JADE2: variants seen among roughly 807,000 people sequenced by gnomAD.
JADE2 encodes jade family PHD finger 2.
In JADE2, 13 loss-of-function variants were observed where a neutral mutation model predicts 85.7. The ratio of observed to expected loss-of-function variants is 0.15; its 90% CI spans 0.10 to 0.24. JADE2 has a LOEUF of 0.24. Among genes scored for constraint, JADE2 ranks in the 10% least tolerant of loss-of-function variants. The pLI is 1.00. For missense variants in JADE2, 846 were observed against 1,115.9 expected, an observed-to-expected ratio of 0.76 and a Z score of 3.45; for synonymous variants, 440 against 456.1, an observed-to-expected ratio of 0.96 and a Z score of 0.45.
At position 134,566,134 on chromosome 5, in the gene JADE2, G is replaced by C. The variant is rs368664750; in HGVS notation, c.988G>C (p.Val330Leu). The C allele has an allele frequency of 1.2e-5, 20 of 1,613,114 alleles. No homozygotes were observed. The highest frequency in any genetic ancestry group is 3.3e-5 in the Admixed American group (2 of 59,964). The change falls in exon 9 of 12, where the codon GTC becomes CTC. Residue 330 changes from valine (V) to leucine (L), a missense_variant. Val to Leu is a conservative substitution (Grantham distance 32, BLOSUM62 1). Coordinates refer to ENST00000681547, the MANE Select transcript of JADE2 (RefSeq NM_001388185.1). This position sits in a 1 kb window ranked among gnomAD's most constrained non-coding sequence, Gnocchi z 6.7. ...TCIQCSMPSC[V>L]TAFHVTCAFD... ...CCCTCAGTGTTCCATGCCTTCCTGC[G>C]TCACAGCGTTCCATGTCACATGCGC...
At chr5:134,532,440 G>A (rs1296140432) in intron 1 of JADE2, among the ~76,000 whole-genome samples, 1 of 152,182 alleles carries the variant, frequency 6.6e-6, no homozygotes. Context: ...CTTTGAAGGA[G>A]AGCTTCCTAC....
chr5:134,566,323 C>T lies in JADE2; in HGVS notation c.1177C>T (p.Arg393Cys). The change falls in exon 9 of 12, where the codon CGC (arginine) becomes TGC (cysteine). Residue 393 changes from arginine to cysteine, a missense_variant. Physicochemically the swap from Arg to Cys is radical, Grantham distance 180. Around this residue, in one of 9 missense-constraint regions of JADE2, gnomAD observed 88 missense variants for 140.6 expected, o/e 0.63. Transcript: ENST00000681547. The surrounding 1 kb of genome is among the most constrained non-coding windows in gnomAD (Gnocchi z 6.7). ...CGAGGACCTGGAAAAGGTGACCCTGCGCAAGCAGCGGCTGCAGCAGCTAGA... is the reference window on the plus strand; with the variant it reads ...CGAGGACCTGGAAAAGGTGACCCTGTGCAAGCAGCGGCTGCAGCAGCTAGA... ...AGEDLEKVTL[R>C]KQRLQQLEED... 6.2e-7 allele frequency: 1 copy of T among 1,614,068 alleles called. No homozygotes were observed. The highest frequency in any genetic ancestry group is 8.5e-7 in the Non-Finnish European group (1 of 1,180,022).
intron 3 of JADE2, among the ~76,000 whole-genome samples, chr5:134,541,532 A>G (rs200558107): frequency 6.6e-6 from 1 of 152,288 alleles, no homozygotes; most frequent in East Asian, 1.9e-4. Context: ...CCCCTGGAGT[A>G]TGAAGCCTAT....
intron 3 of JADE2, among the ~76,000 whole-genome samples, chr5:134,541,168 C>G (rs1314483920): frequency 6.6e-6 from 1 of 152,236 alleles, no homozygotes; most frequent in Admixed American, 6.5e-5. Context: ...AAGTCCTCCC[C>G]GCCCAGAACC....
chr5:134,543,999 C>T (rs1469318259), intron 3 of JADE2, among the ~76,000 whole-genome samples: 2 of 152,218 alleles, frequency 1.3e-5, no homozygotes, highest in African/African-American at 2.4e-5. Context: ...CTGGGAGAGA[C>T]CTGGAGGCCA....
rs1298871940 is a variant in JADE2, at chr5:134,573,886, C to T, written c.1552+124C>T. ...GTGCGTGGAGCCAAGGGCCACTGGC[C>T]CCCACTCCTACCCTTCACCATCCAA... On this transcript the variant is annotated intron_variant, in intron 10 of 11. Coordinates refer to ENST00000681547, the MANE Select transcript of JADE2 (RefSeq NM_001388185.1). 3 of 769,282 alleles carry T rather than the reference C, an allele frequency of 3.9e-6. No individual in the cohort carries two copies. The Admixed American group carries it at 5.4e-5, about 14-fold the overall frequency. 47.7% of individuals were successfully genotyped at this position (769,282 alleles called of 1,614,324 possible). A position where few individuals can be genotyped will look rare whatever the true frequency, so the allele number is the denominator to read the frequency against.
chr5:134,574,176 G>C (rs1290802014), intron 10 of JADE2: 3 of 292,392 alleles, frequency 1.0e-5, no homozygotes, highest in South Asian at 3.2e-5. Context: ...GAAGAAGGCA[G>C]CTGTCCCAGA....
In JADE2 at chr5:134,578,520, G is replaced by A. The variant is rs368451743; in HGVS notation, c.1708G>A (p.Asp570Asn). The change falls in exon 12 of 12, where the codon GAT (aspartate) becomes AAT (asparagine). Residue 570 changes from aspartate (D) to asparagine (N), a missense_variant. By Grantham distance (23) the Asp-to-Asn change is conservative. Coordinates refer to ENST00000681547, the MANE Select transcript of JADE2 (RefSeq NM_001388185.1). The surrounding 1 kb of genome is among the most constrained non-coding windows in gnomAD (Gnocchi z 4.4). ...LAGLSTSFPI[D>N]GTFFNSWLAQ... ...AGGCCTGTCCACCTCATTCCCCATCGATGGCACCTTCTTCAACAGCTGGCT... is the reference window on the plus strand; with the variant it reads ...AGGCCTGTCCACCTCATTCCCCATCAATGGCACCTTCTTCAACAGCTGGCT... 23 of 1,594,982 alleles carry A rather than the reference G, an allele frequency of 1.4e-5. No homozygotes were observed. Among genetic ancestry groups the A allele is most frequent in the Admixed American group, 3.4e-5 (2 of 59,322 alleles).
intron 2 of JADE2, chr5:134,536,694 G>C (rs1364511415): frequency 6.6e-6 from 1 of 152,332 alleles, no homozygotes; most frequent in Non-Finnish European, 1.5e-5. Context: ...AGTTCCATCT[G>C]CTGTGGGTAG....
intron 3 of JADE2, among the ~76,000 whole-genome samples, chr5:134,546,897 C>T (rs895534818): frequency 6.6e-6 from 1 of 152,090 alleles, no homozygotes; most frequent in Admixed American, 6.5e-5. Flanking sequence ...CTCTGTGATA[C>T]AGTAGTTCAC....
At chr5:134,558,624 C>T (rs1296492645) in intron 4 of JADE2, among the ~76,000 whole-genome samples, 9 of 152,216 alleles carry the variant, frequency 5.9e-5, no homozygotes, top group South Asian at 4.1e-4. Context: ...CCACAGCCTC[C>T]GCCTCCCGGG....
intron 10 of JADE2, 86 bp from the exon 11 acceptor site, chr5:134,576,681 TC>T: frequency 6.7e-7 from 1 of 1,495,238 alleles, no homozygotes; most frequent in South Asian, 1.2e-5. Flanking sequence ...GATGGAGGAC[TC>T]CTGGGCTGCC....
rs1172025828 is a variant in JADE2, at chr5:134,578,397, G to A, written c.1682-97G>A. 2 of 910,698 alleles carry A rather than the reference G, an allele frequency of 2.2e-6. No homozygotes were observed. The highest frequency in any genetic ancestry group is 3.2e-5 in the South Asian group (2 of 62,220). The allele number at this position is 910,698 out of a possible 1,614,324, so 56.4% of individuals were successfully genotyped here. On this transcript the variant is annotated intron_variant, in intron 11 of 11. Coordinates refer to ENST00000681547, the MANE Select transcript of JADE2 (RefSeq NM_001388185.1). This position sits in a 1 kb window ranked among gnomAD's most constrained non-coding sequence, Gnocchi z 4.4. ...GTCTGGCACAGGGGGACAGAGAGAAGACGATGCCTGGTGGTGTGCTGGGAG... is the reference window on the plus strand; with the variant it reads ...GTCTGGCACAGGGGGACAGAGAGAAAACGATGCCTGGTGGTGTGCTGGGAG...
intron 3 of JADE2, 42 bp downstream of exon 3, chr5:134,538,125 A>G (rs1357489082): frequency 1.3e-6 from 2 of 1,484,368 alleles, no homozygotes; most frequent in Admixed American, 3.4e-5. Context: ...GGGGAGTGAG[A>G]GTGAGCTGCC....
chr5:134,531,299 A>G (rs1761218581), intron 1 of JADE2, among the ~76,000 whole-genome samples: 1 of 152,216 alleles, frequency 6.6e-6, no homozygotes, highest in African/African-American at 2.4e-5. Flanking sequence ...AGTGGTCAGT[A>G]TGAAGCTGTC....
chr5:134,552,110 C>T lies in JADE2; in HGVS notation c.212C>T (p.Pro71Leu). Residue 71 changes from proline (P) to leucine (L), a missense_variant, in exon 4 of 12, where the codon CCG (proline) becomes CTG (leucine). Pro to Leu is a moderately conservative substitution (Grantham distance 98). Coordinates refer to ENST00000681547, the MANE Select transcript of JADE2 (RefSeq NM_001388185.1). Reference protein sequence around the residue: ...MKIPDSYQLSPDDYYILADPW... With the variant: ...MKIPDSYQLSLDDYYILADPW... ...ATCCCGGACTCATACCAGCTCAGCC[C>T]GGATGACTACTACATCCTGGCAGAC... 5.6e-6 allele frequency: 9 copies of T among 1,614,138 alleles called. No individual in the cohort carries two copies. The highest frequency in any genetic ancestry group is 7.6e-6 in the Non-Finnish European group (9 of 1,179,978).
Position 134,559,879 on chromosome 5 carries a change from A to G in JADE2, c.361A>G (p.Thr121Ala), listed in dbSNP as rs1441268597. The G allele has an allele frequency of 6.2e-7, 1 of 1,613,970 alleles. No homozygotes were observed. Among genetic ancestry groups the G allele is most frequent in the Non-Finnish European group, 8.5e-7 (1 of 1,179,926 alleles). The change falls in exon 5 of 12, where the codon ACC (threonine) becomes GCC (alanine). Residue 121 changes from threonine to alanine, a missense_variant. Around this residue, in one of 9 missense-constraint regions of JADE2, gnomAD observed 78 missense variants for 64.9 expected, o/e 1.20. Transcript: ENST00000681547. ...CCCTGCCCAGGCATCCCCGAGCAGCACCATGCTTGGTGAGGGCTCCCAGCC... is the reference window on the plus strand; with the variant it reads ...CCCTGCCCAGGCATCCCCGAGCAGCGCCATGCTTGGTGAGGGCTCCCAGCC... ...GPPAQASPSS[T>A]MLGEGSQPDW...
At chr5:134,560,629 C>T (rs1581452220) in intron 5 of JADE2, 117 bp from the exon 6 acceptor site, 1 of 835,542 alleles carries the variant, frequency 1.2e-6, no homozygotes, top group East Asian at 2.7e-5. Context: ...AGTGGGTGGG[C>T]AGAAACCCTC....
intron 9 of JADE2, among the ~76,000 whole-genome samples, chr5:134,572,687 G>A (rs1258909222): frequency 4.6e-5 from 7 of 152,224 alleles, no homozygotes; most frequent in Non-Finnish European, 7.3e-5. Context: ...CAAGGGAGGG[G>A]GCTTGGTCTT....
Sources: gnomAD v4.1 joint callset for allele counts (sites outside exome capture counted in the v4.1 genomes callset) on GRCh38, gnomAD v4.1.1 for gene constraint, gnomAD v4.1.1 regional missense constraint, Gnocchi (gnomAD v3.1) non-coding constraint, MANE v1.5 for transcripts, NCBI Gene and HGNC (gene_info 2026-07-23, HGNC 2026-07-21) for gene names.